The following SLC35F1 variants were observed in gnomAD, a reference collection of about 807,000 sequenced individuals.
The protein encoded by SLC35F1 is chromosome 6 open reading frame 169.
SLC35F1 carries 14 observed loss-of-function variants against 48.7 expected under a neutral mutation model. The observed-to-expected ratio is 0.29, with a 90% confidence interval of 0.19 to 0.45. SLC35F1 has a LOEUF of 0.45. SLC35F1 is among the 20% of genes least tolerant of loss of function. The pLI, the probability that SLC35F1 is intolerant of heterozygous loss-of-function variation, is 1.00. For synonymous variants in SLC35F1, 190 were observed against 202.2 expected, an observed-to-expected ratio of 0.94 and a Z score of 0.51; for missense variants, 404 against 500.0, an observed-to-expected ratio of 0.81 and a Z score of 1.83.
At chr6:118,253,238 G>A (rs959359083) in intron 3 of SLC35F1, among the ~76,000 whole-genome samples, 3 of 152,122 alleles carry the variant, frequency 2.0e-5, no homozygotes, top group Admixed American at 6.5e-5. Context: ...CCAGGAACGC[G>A]TAAAGGAGTC....
intron 1 of SLC35F1, among the ~76,000 whole-genome samples, chr6:117,998,205 A>C (rs1777029630): frequency 6.8e-6 from 1 of 147,826 alleles, no homozygotes; most frequent in Non-Finnish European, 1.5e-5. Context: ...TAAAGGGATC[A>C]ATTCAACAAG....
chr6:118,156,800 A>G (rs1301399060), intron 2 of SLC35F1, among the ~76,000 whole-genome samples: 1 of 152,152 alleles, frequency 6.6e-6, no homozygotes, highest in Non-Finnish European at 1.5e-5. Context: ...ATACTGCAAG[A>G]TGGTACACTG....
At chr6:118,235,809 A>G (rs1775357555) in intron 3 of SLC35F1, among the ~76,000 whole-genome samples, 173 bp downstream of exon 3, 1 of 152,204 alleles carries the variant, frequency 6.6e-6, no homozygotes, top group African/African-American at 2.4e-5. Flanking sequence ...TTGCAACAAG[A>G]TGGAAACTGG....
chr6:118,015,044 T>A (rs1374336026), intron 1 of SLC35F1, among the ~76,000 whole-genome samples: 1 of 152,236 alleles, frequency 6.6e-6, no homozygotes, highest in Non-Finnish European at 1.5e-5. Context: ...ATAAGTCTCA[T>A]GACATCTCAT....
intron 1 of SLC35F1, among the ~76,000 whole-genome samples, chr6:118,072,876 A>C (rs1772759021): frequency 6.6e-6 from 1 of 152,118 alleles, no homozygotes; most frequent in African/African-American, 2.4e-5. Context: ...TTCAGAAGAA[A>C]TCTTGCCTGG....
At chr6:118,056,276 TTTTG>T (rs1353354385) in intron 1 of SLC35F1, among the ~76,000 whole-genome samples, 15 of 152,342 alleles carry the variant, frequency 9.8e-5, no homozygotes, top group East Asian at 3.9e-4. Flanking sequence ...TTTAAAATAA[TTTTG>T]TTTATTTCAT....
intron 1 of SLC35F1, among the ~76,000 whole-genome samples, chr6:117,947,655 T>C (rs565923822): frequency 6.6e-4 from 100 of 152,298 alleles, no homozygotes; most frequent in Admixed American, 5.3e-3. Context: ...TGATTGGGTG[T>C]AAAGTATGAG....
At position 118,061,586 on chromosome 6, in the gene SLC35F1, G is replaced by GTATATATATATATATA. The variant is rs780630752; in HGVS notation, c.174-92858_174-92857insATATATATATATATAT. On this transcript the variant is annotated intron_variant, in intron 1 of 7. Transcript: ENST00000360388. Reference sequence around the variant, plus strand: ...TATATATACATTTGTGTGTGTGTGTGTGTGTATATATATATATATGTTTGG... The same window carrying GTATATATATATATATA: ...TATATATACATTTGTGTGTGTGTGTGTATATATATATATATATGTGTATATATATATATATGTTTGG... Among the ~76,000 whole-genome samples the GTATATATATATATATA allele has an allele frequency of 1.2e-3, 181 of 145,376 alleles. 1 individual carries two copies. Among genetic ancestry groups the GTATATATATATATATA allele is most frequent in the African/African-American group, 4.1e-3 (160 of 39,030 alleles).
intron 1 of SLC35F1, among the ~76,000 whole-genome samples, chr6:118,052,468 A>G (rs1232885723): frequency 6.6e-6 from 1 of 152,200 alleles, no homozygotes; most frequent in Non-Finnish European, 1.5e-5. Context: ...AATTATGGAT[A>G]GGAACATCTT....
chr6:118,108,115 G>A (rs781185655), intron 1 of SLC35F1, among the ~76,000 whole-genome samples: 1 of 152,074 alleles, frequency 6.6e-6, no homozygotes, highest in East Asian at 1.9e-4. Flanking sequence ...TATGTCTACT[G>A]TACGTTGTAA....
intron 1 of SLC35F1, among the ~76,000 whole-genome samples, chr6:117,972,713 A>G (rs1776658603): frequency 1.3e-5 from 2 of 152,078 alleles, no homozygotes; most frequent in Admixed American, 6.6e-5. Context: ...CATGGGAAAA[A>G]CCTGCCCCCA....
At chr6:117,960,288 C>G (rs1178492784) in intron 1 of SLC35F1, among the ~76,000 whole-genome samples, 1 of 150,960 alleles carries the variant, frequency 6.6e-6, no homozygotes, top group African/African-American at 2.4e-5. Flanking sequence ...ATGGTTTAGA[C>G]AGTTTGTAAG....
At chr6:118,075,723 G>T (rs1330859140) in intron 1 of SLC35F1, among the ~76,000 whole-genome samples, 1 of 152,122 alleles carries the variant, frequency 6.6e-6, no homozygotes, top group African/African-American at 2.4e-5. Context: ...AATGGATATA[G>T]ATTTTAAAGT....
At chr6:118,169,026 G>A (rs1774360975) in intron 2 of SLC35F1, among the ~76,000 whole-genome samples, 1 of 152,164 alleles carries the variant, frequency 6.6e-6, no homozygotes, top group Non-Finnish European at 1.5e-5. Context: ...CATTTTCTGA[G>A]TATGCAGCAT....
chr6:118,302,706 T>C (rs1776268447), intron 7 of SLC35F1, among the ~76,000 whole-genome samples: 1 of 152,174 alleles, frequency 6.6e-6, no homozygotes. Context: ...ATTTTTATGA[T>C]ATTAATAGGT....
chr6:117,961,084 A>C (rs778363223), intron 1 of SLC35F1, among the ~76,000 whole-genome samples: 2 of 152,160 alleles, frequency 1.3e-5, no homozygotes, highest in African/African-American at 2.4e-5. Flanking sequence ...AATGTGTTAC[A>C]TTTCTCTTAA....
intron 1 of SLC35F1, among the ~76,000 whole-genome samples, chr6:117,977,028 A>G (rs1336882264): frequency 6.6e-6 from 1 of 152,208 alleles, no homozygotes; most frequent in African/African-American, 2.4e-5. Flanking sequence ...TCTTTTATTA[A>G]TGAACATTTA....
At chr6:118,115,702 A>G (rs755825230) in intron 1 of SLC35F1, among the ~76,000 whole-genome samples, 16 of 152,194 alleles carry the variant, frequency 1.1e-4, no homozygotes, top group Non-Finnish European at 2.1e-4. Flanking sequence ...CAGGTGCCAC[A>G]TAACTCTGGT....
At chr6:118,023,695 G>T (rs1777428117) in intron 1 of SLC35F1, among the ~76,000 whole-genome samples, 1 of 152,092 alleles carries the variant, frequency 6.6e-6, no homozygotes, top group Admixed American at 6.6e-5. Flanking sequence ...TGACAGTTGG[G>T]TGAGTTCCCA....
Sources: gnomAD v4.1 joint callset for allele counts (sites outside exome capture counted in the v4.1 genomes callset) on GRCh38, gnomAD v4.1.1 for gene constraint, MANE v1.5 for transcripts, NCBI Gene and HGNC (gene_info 2026-07-23, HGNC 2026-07-21) for gene names.